The following GTF3C1 variants were observed in gnomAD, a reference collection of about 807,000 sequenced individuals.
GTF3C1 encodes the protein general transcription factor 3C polypeptide 1.
A neutral mutation model predicts 226.7 loss-of-function variants in GTF3C1; 57 were observed. The observed-to-expected ratio is 0.25, with a 90% CI of 0.20 to 0.31. GTF3C1 has a LOEUF of 0.31. Among genes scored for constraint, GTF3C1 ranks in the 10% least tolerant of loss-of-function variants. GTF3C1 has a pLI of 1.00. For synonymous variants in GTF3C1, 1,090 were observed against 1,084.8 expected (o/e 1.00, Z -0.09); for missense variants, 2,217 against 2,776.1 (o/e 0.80, Z 4.53).
intron 28 of GTF3C1, 132 bp from the exon 29 acceptor site, chr16:27,476,676 A>T (rs991155643): frequency 3.2e-6 from 2 of 632,968 alleles, no homozygotes; most frequent in Non-Finnish European, 5.7e-6. Flanking sequence ...ACAAAAGAAA[A>T]CACAATATAT....
intron 2 of GTF3C1, among the ~76,000 whole-genome samples, chr16:27,538,903 C>T (rs1469346076): frequency 6.6e-6 from 1 of 151,858 alleles, no homozygotes; most frequent in African/African-American, 2.4e-5. Context: ...GTTCTAGCCC[C>T]ACCCCCACCA....
intron 4 of GTF3C1, among the ~76,000 whole-genome samples, chr16:27,534,683 C>T (rs2088973690): frequency 6.6e-6 from 1 of 152,202 alleles, no homozygotes. Flanking sequence ...TTGGGCTGAG[C>T]ACAAGCTATA....
At chr16:27,549,173 G>A (rs987406069) in intron 1 of GTF3C1, among the ~76,000 whole-genome samples, 1 of 151,910 alleles carries the variant, frequency 6.6e-6, no homozygotes, top group Non-Finnish European at 1.5e-5. Flanking sequence ...AGAAAAAAAA[G>A]AACAGCACCT....
At chr16:27,530,545 T>C (rs1222150214) in intron 5 of GTF3C1, among the ~76,000 whole-genome samples, 2 of 152,170 alleles carry the variant, frequency 1.3e-5, no homozygotes, top group Non-Finnish European at 2.9e-5. Context: ...CTCAGCTTCA[T>C]CTATAGGCTA....
In GTF3C1 at chr16:27,471,887, C is replaced by T. The variant is rs147847492; in HGVS notation, c.4387G>A (p.Val1463Ile). The change falls in exon 30 of 37, where the codon GTT becomes ATT. Residue 1463 changes from valine to isoleucine, a missense_variant. Val to Ile is a conservative substitution (Grantham distance 29). Around this residue, in one of 12 missense-constraint regions of GTF3C1, gnomAD observed 546 missense variants for 663.0 expected, o/e 0.82. Transcript: ENST00000356183. This position sits in a 1 kb window ranked among gnomAD's most constrained non-coding sequence, Gnocchi z 5.0. ...FRLYREYKDH[V>I]LVKAFMECQK... is the part of the protein sequence containing the mutation. ...CACTCCATGAAGGCCTTCACAAGAA[C>T]GTGGTCCTTGTACTCCCGATAGAGG... 54 of 1,614,044 alleles carry T rather than the reference C, an allele frequency of 3.3e-5. No homozygotes were observed. The highest frequency in any genetic ancestry group is 2.7e-4 in the East Asian group (12 of 44,892).
chr16:27,462,582 C>G lies in GTF3C1; in HGVS notation c.5925-96G>C. Reference sequence around the variant, plus strand: ...GGCTCAGGGGCGTCCTAGGCCTGGCCCAGGTCACAGGGCTGAGACCAGCCA... The same window carrying G: ...GGCTCAGGGGCGTCCTAGGCCTGGCGCAGGTCACAGGGCTGAGACCAGCCA... On this transcript the variant is annotated intron_variant, in intron 35 of 36. Coordinates refer to ENST00000356183, the MANE Select transcript of GTF3C1 (RefSeq NM_001520.4). This position sits in a 1 kb window ranked among gnomAD's most constrained non-coding sequence, Gnocchi z 4.5. 1.1e-6 allele frequency: 1 copy of G among 886,378 alleles called. No homozygotes were observed. 54.9% of individuals were successfully genotyped at this position (886,378 alleles called of 1,614,324 possible). A position where few individuals can be genotyped will look rare whatever the true frequency, so the allele number is the denominator to read the frequency against.
At position 27,461,139 on chromosome 16, in the gene GTF3C1, A is replaced by G; in HGVS notation, c.*211T>C. 1.9e-6 allele frequency: 1 copy of G among 528,846 alleles called. No homozygotes were observed. The highest frequency in any genetic ancestry group is 3.4e-6 in the Non-Finnish European group (1 of 295,214). 32.8% of individuals were successfully genotyped at this position (528,846 alleles called of 1,614,324 possible). ...AGTTCCCAAGGGGAAGGCCCAGAAGAGCCTGGGGGATGGGCAGGTCGGGGA... is the reference window on the plus strand; with the variant it reads ...AGTTCCCAAGGGGAAGGCCCAGAAGGGCCTGGGGGATGGGCAGGTCGGGGA... On this transcript the variant is annotated 3_prime_UTR_variant, in exon 37 of 37. Transcript: ENST00000356183. The surrounding 1 kb of genome is among the most constrained non-coding windows in gnomAD (Gnocchi z 5.3).
Position 27,488,633 on chromosome 16 carries a change from C to T in GTF3C1, c.3432G>A (p.Glu1144=). The stretch of plus-strand genomic sequence containing the variant: ...TGAGTCCATTCTCTGCGGCAGTGTT[C>T]TCCTGTGAGACAAGCACAGCACTGG... ...TSYIINQAKK[E]NTAAENGLTV... Residue 1144 remains glutamate (E), a splice_region_variant and synonymous_variant, in exon 22 of 37, where the codon GAG becomes GAA. Transcript: ENST00000356183. The T allele has an allele frequency of 1.9e-6, 3 of 1,611,840 alleles. No homozygotes were observed. The highest frequency in any genetic ancestry group is 2.2e-5 in the South Asian group (2 of 91,030).
At chr16:27,483,562 A>G in intron 25 of GTF3C1, 1 of 439,686 alleles carries the variant, frequency 2.3e-6, no homozygotes, top group South Asian at 1.6e-5. Flanking sequence ...TGATATAAGG[A>G]GAGCCTGACT....
chr16:27,476,569 A>ATGGTG, intron 28 of GTF3C1, 25 bp from the exon 29 acceptor site: 1 of 1,323,524 alleles, frequency 7.6e-7, no homozygotes, highest in Non-Finnish European at 1.1e-6. Context: ...GCAGCAGGGC[A>ATGGTG]CCATGAGACC....
chr16:27,474,124 C>T (rs142867570), intron 29 of GTF3C1, among the ~76,000 whole-genome samples: 178 of 152,292 alleles, frequency 1.2e-3, no homozygotes, highest in Admixed American at 2.0e-3. Context: ...GGGAGCCTCG[C>T]GGGGTCCCCT....
chr16:27,546,428 T>C (rs7198785), intron 1 of GTF3C1, among the ~76,000 whole-genome samples: 114,579 of 147,692 alleles, frequency 0.78, 45,311 homozygotes, highest in South Asian at 0.9. Context: ...CATGGAGACA[T>C]TTTTCATTTG....
chr16:27,497,560 G>A lies in GTF3C1; in HGVS notation c.2350+77C>T, dbSNP rs543341814. The A allele has an allele frequency of 1.2e-4, 144 of 1,212,766 alleles. No individual in the cohort carries two copies. In the African/African-American group the frequency reaches 1.9e-3, roughly 16 times the overall value. 75.1% of individuals were successfully genotyped at this position (1,212,766 alleles called of 1,614,324 possible). ...CTGCGGCTCGGAGCTCAAATGGAGAGGACCAAGTGCCTCAAACATTGTCAT... is the reference window on the plus strand; with the variant it reads ...CTGCGGCTCGGAGCTCAAATGGAGAAGACCAAGTGCCTCAAACATTGTCAT... On this transcript the variant is annotated intron_variant, in intron 14 of 36. Coordinates refer to ENST00000356183, the MANE Select transcript of GTF3C1 (RefSeq NM_001520.4).
Position 27,507,219 on chromosome 16 carries a change from G to C in GTF3C1, c.1243-63C>G, listed in dbSNP as rs758442430. 1.6e-5 allele frequency: 19 copies of C among 1,218,888 alleles called. No homozygotes were observed. Among genetic ancestry groups the C allele is most frequent in the Non-Finnish European group, 2.2e-5 (19 of 863,786 alleles). 75.5% of individuals were successfully genotyped at this position (1,218,888 alleles called of 1,614,324 possible). On this transcript the variant is annotated intron_variant, in intron 8 of 36. Coordinates refer to ENST00000356183, the MANE Select transcript of GTF3C1 (RefSeq NM_001520.4). The surrounding 1 kb of genome is among the most constrained non-coding windows in gnomAD (Gnocchi z 4.9). ...GGGCGTCATACCCACAGGGGTTCAG[G>C]TGGTCTGTGGCATCTATTTCCTTAT...
chr16:27,468,955 T>C (rs941903942), intron 32 of GTF3C1, among the ~76,000 whole-genome samples: 2 of 152,054 alleles, frequency 1.3e-5, no homozygotes, highest in African/African-American at 4.8e-5. Flanking sequence ...GCCCGGGCAG[T>C]GACAGGGCCG....
Position 27,549,721 on chromosome 16 carries a change from A to G in GTF3C1, c.170T>C (p.Ile57Thr). The G allele has an allele frequency of 1.2e-6, 2 of 1,606,706 alleles. No homozygotes were observed. Among genetic ancestry groups the G allele is most frequent in the Non-Finnish European group, 1.7e-6 (2 of 1,177,326 alleles). The change falls in exon 1 of 37, where the codon ATC (isoleucine) becomes ACC (threonine). Residue 57 changes from isoleucine to threonine, a missense_variant. Transcript: ENST00000356183. ...CTCCCGAGGCTCCTCATAGAAGCTG[A>G]TGCCCGGGTGCGTGGCGAGGGCCCG... The part of the protein sequence containing the change: ...LWRALATHPG[I>T]SFYEEPRERP...
intron 9 of GTF3C1, among the ~76,000 whole-genome samples, chr16:27,506,417 C>A (rs1054888526): frequency 1.3e-5 from 2 of 152,094 alleles, no homozygotes; most frequent in African/African-American, 4.8e-5. Context: ...CAGTAAGAGT[C>A]CCTCCCTAAG....
chr16:27,486,531 C>T (rs948339474), intron 23 of GTF3C1, among the ~76,000 whole-genome samples: 8 of 152,164 alleles, frequency 5.3e-5, no homozygotes, highest in African/African-American at 1.9e-4. Flanking sequence ...TGAGCAGGAC[C>T]AGGGACTGTG....
chr16:27,513,643 G>A (rs1393693743), intron 6 of GTF3C1, among the ~76,000 whole-genome samples: 1 of 152,154 alleles, frequency 6.6e-6, no homozygotes, highest in Non-Finnish European at 1.5e-5. Context: ...GCCTCCGGAA[G>A]GAACACTGCC....
Sources: allele counts gnomAD v4.1 joint callset (sites outside exome capture counted in the v4.1 genomes callset), GRCh38; gene constraint gnomAD v4.1.1; regional missense constraint gnomAD v4.1.1; non-coding constraint Gnocchi (gnomAD v3.1); transcripts MANE v1.5; gene names NCBI Gene and HGNC (gene_info 2026-07-23, HGNC 2026-07-21).